TLCD4: variants seen among roughly 807,000 people sequenced by gnomAD.
The protein encoded by TLCD4 is TLC domain containing 4.
In TLCD4, 7 loss-of-function variants were observed where a neutral mutation model predicts 24.2. The ratio of observed to expected loss-of-function variants is 0.29; its 90% CI spans 0.16 to 0.54. TLCD4 has a LOEUF of 0.54. Among genes scored for constraint, TLCD4 ranks in the 20% least tolerant of loss-of-function variants. The pLI, the probability that TLCD4 is intolerant of heterozygous loss-of-function variation, is 0.95. For missense variants in TLCD4, 259 were observed against 313.9 expected (o/e 0.82, Z 1.32); for synonymous variants, 103 against 106.4 (o/e 0.97, Z 0.20).
chr1:95,132,098 A>G (rs887404676), intron 1 of TLCD4, among the ~76,000 whole-genome samples: 12 of 152,224 alleles, frequency 7.9e-5, no homozygotes, highest in Non-Finnish European at 1.8e-4. Context: ...AGCCAGGGCC[A>G]TGCCCTTGAA....
At chr1:95,145,929 C>G (rs1226055961) in intron 2 of TLCD4, among the ~76,000 whole-genome samples, 1 of 152,156 alleles carries the variant, frequency 6.6e-6, no homozygotes, top group Non-Finnish European at 1.5e-5. Context: ...GGTGTTTTCT[C>G]TTTTTCTCAA....
intron 5 of TLCD4, among the ~76,000 whole-genome samples, chr1:95,170,330 CTTTT>C (rs10664436): frequency 1.6e-5 from 2 of 126,628 alleles, no homozygotes; most frequent in Non-Finnish European, 1.6e-5. Context: ...ACAAATCATT[CTTTT>C]TTTTTTTTTT....
intron 1 of TLCD4, among the ~76,000 whole-genome samples, chr1:95,123,431 T>C (rs939990687): frequency 6.6e-6 from 1 of 152,198 alleles, no homozygotes; most frequent in Admixed American, 6.5e-5. Flanking sequence ...CTTTAAGACA[T>C]ATTTAGCATT....
At chr1:95,123,892 A>G (rs570903186) in intron 1 of TLCD4, among the ~76,000 whole-genome samples, 1 of 152,234 alleles carries the variant, frequency 6.6e-6, no homozygotes, top group Non-Finnish European at 1.5e-5. Context: ...TGAGGGTAAA[A>G]GACCAATTCA....
In TLCD4 at chr1:95,166,868, A is replaced by G. The variant is rs532098637; in HGVS notation, c.400-6948A>G. Among the ~76,000 whole-genome samples the G allele has an allele frequency of 2.6e-5, 4 of 152,084 alleles. No homozygotes were observed. In the South Asian group the frequency reaches 6.2e-4, roughly 24 times the overall value. ...CTCAGCCTCCTGAGTAGCTGGGACT[A>G]TAGGCACACGCCACCATGCCTGGCT... is the stretch of plus-strand genomic sequence containing the variant. On this transcript the variant is annotated intron_variant, in intron 5 of 6. Coordinates refer to ENST00000370203, the MANE Select transcript of TLCD4 (RefSeq NM_152487.3).
rs2101032476 is a variant in TLCD4 at position 95,193,579 on chromosome 1, GA to G, written c.*1712del. The stretch of plus-strand genomic sequence containing the variant: ...GTTCATGCTAGCTGAATATAATCAA[GA>G]CTTTTGATTTGATTTGCTTTTATTA... On this transcript the variant is annotated 3_prime_UTR_variant, in exon 7 of 7. Coordinates refer to ENST00000370203, the MANE Select transcript of TLCD4 (RefSeq NM_152487.3). 6.6e-6 allele frequency: 1 copy of G among 152,094 alleles called. No homozygotes were observed. The highest frequency in any genetic ancestry group is 2.1e-4 in the South Asian group (1 of 4,820). The allele number at this position is 152,094 out of a possible 1,614,324, so 9.4% of individuals were successfully genotyped here. A position where few individuals can be genotyped will look rare whatever the true frequency, so the allele number is the denominator to read the frequency against.
intron 5 of TLCD4, among the ~76,000 whole-genome samples, chr1:95,170,192 G>T (rs568896817): frequency 2.1e-4 from 32 of 152,132 alleles, no homozygotes; most frequent in African/African-American, 7.7e-4. Flanking sequence ...AATCACCTTT[G>T]ACAGGAGAAA....
At chr1:95,185,614 G>A (rs897166925) in intron 6 of TLCD4, among the ~76,000 whole-genome samples, 17 of 152,270 alleles carry the variant, frequency 1.1e-4, no homozygotes, top group African/African-American at 2.4e-4. Context: ...TGAAGACGAC[G>A]AGAATGAAGA....
At chr1:95,112,097 C>G in the TLCD4 span, among the ~76,000 whole-genome samples, 2 of 152,082 alleles carry the variant, frequency 1.3e-5, no homozygotes, top group Admixed American at 1.3e-4. Flanking sequence ...TATTGTATGA[C>G]GGTTAGCAGC....
chr1:95,096,163 C>T, the TLCD4 span, among the ~76,000 whole-genome samples: 1,765 of 152,320 alleles, frequency 0.012, 33 homozygotes, highest in African/African-American at 0.041. Context: ...ACCAATTAGC[C>T]ATTCAAATTT....
At chr1:95,139,586 GT>G (rs1677145260) in intron 1 of TLCD4, among the ~76,000 whole-genome samples, 1 of 150,494 alleles carries the variant, frequency 6.6e-6, no homozygotes, top group African/African-American at 2.4e-5. Flanking sequence ...AGCCTCCTGA[GT>G]TGGTGAGACT....
intron 6 of TLCD4, among the ~76,000 whole-genome samples, chr1:95,184,058 C>T (rs1211825481): frequency 1.3e-5 from 2 of 152,132 alleles, no homozygotes; most frequent in African/African-American, 4.8e-5. Context: ...GAAGAAATTA[C>T]ATTTGCAACT....
At chr1:95,092,845 T>C in the TLCD4 span, among the ~76,000 whole-genome samples, 2 of 152,102 alleles carry the variant, frequency 1.3e-5, no homozygotes, top group Non-Finnish European at 2.9e-5. Context: ...TTCAAGTGAG[T>C]CTTGTGCCTC....
chr1:95,143,392 A>G (rs1349146184), intron 1 of TLCD4, among the ~76,000 whole-genome samples: 1 of 152,104 alleles, frequency 6.6e-6, no homozygotes, highest in East Asian at 1.9e-4. Flanking sequence ...GTCCTGCTCC[A>G]AAATTAGTTT....
chr1:95,099,073 A>AAAAAAAAAAAAAAAAAC, the TLCD4 span, among the ~76,000 whole-genome samples: 1 of 145,808 alleles, frequency 6.9e-6, no homozygotes, highest in Non-Finnish European at 1.5e-5. Context: ...AAAAAAAAAA[A>AAAAAAAAAAAAAAAAAC]AAGAACAGGG....
chr1:95,189,404 T>C (rs1466670902), intron 6 of TLCD4, among the ~76,000 whole-genome samples: 2 of 152,206 alleles, frequency 1.3e-5, no homozygotes, highest in African/African-American at 4.8e-5. Context: ...AACCTCCTAA[T>C]TGATTGTTTA....
intron 5 of TLCD4, chr1:95,165,182 A>C (rs1161708830): frequency 6.6e-6 from 1 of 152,190 alleles, no homozygotes; most frequent in Non-Finnish European, 1.5e-5. Context: ...TTGCTGCAGC[A>C]TATCCTCAAA....
intron 5 of TLCD4, chr1:95,164,523 G>GATGA (rs1245526046): frequency 6.6e-6 from 1 of 152,316 alleles, no homozygotes; most frequent in Non-Finnish European, 1.5e-5. Flanking sequence ...GCCCCAGTGA[G>GATGA]ATGAATGCGG....
chr1:95,107,913 A>C, the TLCD4 span, among the ~76,000 whole-genome samples: 1 of 152,198 alleles, frequency 6.6e-6, no homozygotes, highest in Non-Finnish European at 1.5e-5. Flanking sequence ...GACCAATCTG[A>C]AGAGGCTGTC....
Sources: gnomAD v4.1 joint callset for allele counts (sites outside exome capture counted in the v4.1 genomes callset) on GRCh38, gnomAD v4.1.1 for gene constraint, MANE v1.5 for transcripts, NCBI Gene and HGNC (gene_info 2026-07-23, HGNC 2026-07-21) for gene names.